The following SERPINA5 variants were observed in gnomAD, a reference collection of about 807,000 sequenced individuals.
The protein encoded by SERPINA5 is serpin family A member 5.
Under a neutral mutation model 25.3 loss-of-function variants are expected in SERPINA5, and 25 were observed. The ratio of observed to expected loss-of-function variants is 0.99; its 90% CI spans 0.72 to 1.38. SERPINA5 has a LOEUF of 1.38. SERPINA5 is among the 40% of genes most tolerant of loss of function. The probability of loss-of-function intolerance (pLI) is 0.00; values close to 1 mark genes in which losing one functional copy is unlikely to be tolerated. For synonymous variants in SERPINA5, 234 were observed against 206.2 expected (o/e 1.14, Z -1.16); for missense variants, 599 against 509.5 (o/e 1.18, Z -1.69).
In SERPINA5 at chr14:94,588,119, T is replaced by G. The variant is rs951142568; in HGVS notation, c.619+138T>G. The G allele has an allele frequency of 5.5e-6, 6 of 1,098,960 alleles. No homozygotes were observed. The African/African-American group carries it at 9.4e-5, about 17-fold the overall frequency. The allele number at this position is 1,098,960 out of a possible 1,614,324, so 68.1% of individuals were successfully genotyped here. The stretch of plus-strand genomic sequence containing the variant: ...TGGGTGCCTGTTGAGAAAAATTAAG[T>G]AAACAAGCAGCCAGAGAAGGTAAGA... On this transcript the variant is annotated intron_variant, in intron 3 of 5. Coordinates refer to ENST00000329597, the MANE Select transcript of SERPINA5 (RefSeq NM_000624.6).
chr14:94,588,103 G>T, intron 3 of SERPINA5, 122 bp downstream of exon 3: 2 of 1,306,208 alleles, frequency 1.5e-6, no homozygotes, highest in Admixed American at 2.3e-5. Context: ...TTGGGTGCCT[G>T]TTGAGAAAAA....
chr14:94,591,765 A>G (rs2069988), intron 5 of SERPINA5, among the ~76,000 whole-genome samples: 254 of 152,230 alleles, frequency 1.7e-3, no homozygotes, highest in African/African-American at 5.5e-3. Context: ...TAGCTATGTG[A>G]TCTCCAAAAA....
chr14:94,585,688 G>A (rs2139924525), intron 2 of SERPINA5, among the ~76,000 whole-genome samples: 1 of 152,158 alleles, frequency 6.6e-6, no homozygotes, highest in East Asian at 1.9e-4. Flanking sequence ...CGACACACAG[G>A]GCAAAGCTCA....
rs1032807150 is a variant in SERPINA5 at position 94,592,437 on chromosome 14, A to G, written c.*198A>G. 1.8e-6 allele frequency: 1 copy of G among 562,118 alleles called. No individual in the cohort carries two copies. The highest frequency in any genetic ancestry group is 3.1e-6 in the Non-Finnish European group (1 of 323,554). 34.8% of individuals were successfully genotyped at this position (562,118 alleles called of 1,614,324 possible). ...CAGGTGCCTTGGGGAAATGTGGAGA[A>G]CATTCAATCTTGCCGTCACTATTCA... On this transcript the variant is annotated 3_prime_UTR_variant, in exon 6 of 6. Transcript: ENST00000329597.
At chr14:94,590,604 C>A (rs1383812350) in intron 4 of SERPINA5, 145 bp from the exon 5 acceptor site, 5 of 971,284 alleles carry the variant, frequency 5.1e-6, no homozygotes, top group East Asian at 2.6e-5. Flanking sequence ...GCCAGAGGAG[C>A]CATAACCACC....
chr14:94,590,356 C>A, intron 4 of SERPINA5, 45 bp downstream of exon 4: 9 of 1,538,020 alleles, frequency 5.9e-6, no homozygotes, highest in Non-Finnish European at 7.9e-6. Flanking sequence ...CACACAGCCC[C>A]AGGGAGACAC....
Position 94,590,770 on chromosome 14 carries a change from C to A in SERPINA5, c.912C>A (p.Pro304=), listed in dbSNP as rs1195191352. The A allele has an allele frequency of 1.2e-6, 2 of 1,613,934 alleles. No individual in the cohort carries two copies. The highest frequency in any genetic ancestry group is 1.7e-6 in the Non-Finnish European group (2 of 1,179,910). The change falls in exon 5 of 6, where the codon CCC becomes CCA. Residue 304 remains proline, a synonymous_variant. Transcript: ENST00000329597. ...FKKRQLELYL[P]KFSIEGSYQL... ...CCAGGCAGCTCGAGCTTTACCTTCCCAAATTCTCCATTGAGGGCTCCTATC... is the reference window on the plus strand; with the variant it reads ...CCAGGCAGCTCGAGCTTTACCTTCCAAAATTCTCCATTGAGGGCTCCTATC...
Position 94,590,897 on chromosome 14 carries a change from G to T in SERPINA5, c.1038+1G>T, listed in dbSNP as rs1885255656. ...CCACTCAAATATCCAGGTGTCTGAG[G>T]TGGGTTCAGAAGCTCCTATGCATCT... On this transcript the variant is annotated splice_donor_variant, in intron 5 of 5. Transcript: ENST00000329597. LOFTEE classifies it high-confidence loss of function. The T allele has an allele frequency of 6.2e-7, 1 of 1,609,700 alleles. No homozygotes were observed. The highest frequency in any genetic ancestry group is 2.2e-5 in the East Asian group (1 of 44,764).
chr14:94,582,553 G>A (rs1322557691), intron 2 of SERPINA5, among the ~76,000 whole-genome samples: 2 of 152,246 alleles, frequency 1.3e-5, no homozygotes, highest in Non-Finnish European at 2.9e-5. Context: ...TGAGCTCCGG[G>A]GCGGGGAGAG....
At chr14:94,589,378 G>A (rs1363431798) in intron 3 of SERPINA5, among the ~76,000 whole-genome samples, 2 of 152,010 alleles carry the variant, frequency 1.3e-5, no homozygotes, top group South Asian at 4.2e-4. Flanking sequence ...AACCTGGGAG[G>A]TGGGGGCTGT....
At chr14:94,591,612 C>CTATTCTATTCTATTCTATTG (rs1390406558) in intron 5 of SERPINA5, among the ~76,000 whole-genome samples, 1 of 143,804 alleles carries the variant, frequency 7.0e-6, no homozygotes, top group Non-Finnish European at 1.5e-5. Flanking sequence ...CTATTCTATT[C>CTATTCTATTCTATTCTATTG]TCTCCCTCTC....
At chr14:94,589,266 G>A (rs2069980) in intron 3 of SERPINA5, among the ~76,000 whole-genome samples, 3,660 of 152,146 alleles carry the variant, frequency 0.024, 143 homozygotes, top group African/African-American at 0.083. Context: ...GGCCAACATA[G>A]TGAAACCCCG....
chr14:94,581,593 T>C (rs1350723362), intron 1 of SERPINA5, 22 bp from the exon 2 acceptor site: 1 of 152,242 alleles, frequency 6.6e-6, no homozygotes, highest in Admixed American at 6.5e-5. Context: ...TGCAAAGCTC[T>C]GAAGGAGTCT....
chr14:94,583,285 G>A (rs1164003459), intron 2 of SERPINA5, among the ~76,000 whole-genome samples: 1 of 152,238 alleles, frequency 6.6e-6, no homozygotes, highest in Non-Finnish European at 1.5e-5. Flanking sequence ...GGAAGCTACT[G>A]GGGTAGCCCT....
intron 5 of SERPINA5, among the ~76,000 whole-genome samples, chr14:94,591,107 T>TTCCATTCCAC (rs1885267802): frequency 8.0e-6 from 1 of 124,298 alleles, no homozygotes; most frequent in Non-Finnish European, 1.8e-5. Flanking sequence ...CTCTATTCAG[T>TTCCATTCCAC]TCCACTCCAC....
intron 5 of SERPINA5, among the ~76,000 whole-genome samples, chr14:94,591,620 C>T (rs1232705815): frequency 2.7e-5 from 1 of 37,048 alleles, no homozygotes; most frequent in Non-Finnish European, 7.0e-5. Context: ...TTCTCTCCCT[C>T]TCCCTCTCTT....
chr14:94,585,951 A>C (rs531312611), intron 2 of SERPINA5, among the ~76,000 whole-genome samples: 2 of 152,152 alleles, frequency 1.3e-5, no homozygotes. Context: ...ACTATCTTAC[A>C]GTTATGGAGC....
intron 5 of SERPINA5, among the ~76,000 whole-genome samples, chr14:94,591,525 C>T (rs1188888471): frequency 1.0e-5 from 1 of 97,430 alleles, no homozygotes; most frequent in Non-Finnish European, 2.3e-5. Flanking sequence ...CACTCCACTG[C>T]ACTCCACTCC....
intron 2 of SERPINA5, among the ~76,000 whole-genome samples, chr14:94,585,488 C>T (rs1044547305): frequency 4.6e-5 from 7 of 152,216 alleles, no homozygotes; most frequent in African/African-American, 1.7e-4. Flanking sequence ...AGACCATTCT[C>T]TCTCCACTGC....
Sources: gnomAD v4.1 joint callset for allele counts (sites outside exome capture counted in the v4.1 genomes callset) on GRCh38, gnomAD v4.1.1 for gene constraint, MANE v1.5 for transcripts, NCBI Gene and HGNC (gene_info 2026-07-23, HGNC 2026-07-21) for gene names.